ACYP2: variants seen among roughly 807,000 people sequenced by gnomAD.
The protein encoded by ACYP2 is acylphosphatase-2.
Under a neutral mutation model 11.2 loss-of-function variants are expected in ACYP2, and 12 were observed. The ratio of observed to expected loss-of-function variants is 1.08; its 90% CI spans 0.69 to 1.74. The LOEUF is 1.74. ACYP2 is among the 40% of genes most tolerant of loss of function. The pLI, the probability that ACYP2 is intolerant of heterozygous loss-of-function variation, is 0.00. For synonymous variants in ACYP2, 43 were observed against 32.2 expected (o/e 1.33, Z -1.13); for missense variants, 134 against 101.9 (o/e 1.31, Z -1.35).
chr2:54,207,173 A>ATGTGTGTGTGTGTGTGTGTGTG (rs58920943), intron 6 of ACYP2, among the ~76,000 whole-genome samples: 1,464 of 138,636 alleles, frequency 0.011, 16 homozygotes, highest in Non-Finnish European at 0.014. Flanking sequence ...CAACATGTAT[A>ATGTGTGTGTGTGTGTGTGTGTG]TGTGTGTGTG....
chr2:54,109,370 A>T (rs1426655067), intron 4 of ACYP2, among the ~76,000 whole-genome samples: 2 of 152,154 alleles, frequency 1.3e-5, no homozygotes, highest in African/African-American at 4.8e-5. Flanking sequence ...TGAGGATGCA[A>T]AGGCATAAAA....
At chr2:54,027,857 T>TTTTTTTA (rs1674381781) in intron 2 of ACYP2, among the ~76,000 whole-genome samples, 1 of 119,462 alleles carries the variant, frequency 8.4e-6, no homozygotes, top group Non-Finnish European at 1.8e-5. Flanking sequence ...TTTTTTTTTT[T>TTTTTTTA]GAGACAGAGT....
intron 1 of ACYP2, among the ~76,000 whole-genome samples, chr2:53,971,706 A>G (rs1263126904): frequency 6.6e-6 from 1 of 152,222 alleles, no homozygotes; most frequent in African/African-American, 2.4e-5. Flanking sequence ...GGAACTCTAC[A>G]AAGAAGTTGA....
chr2:54,299,402 A>G (rs1689637065), intron 6 of ACYP2, among the ~76,000 whole-genome samples: 1 of 151,840 alleles, frequency 6.6e-6, no homozygotes, highest in South Asian at 2.1e-4. Context: ...GAGCGGCCTG[A>G]CCAACACAGT....
At chr2:54,035,017 A>AAAAAAAAAAAAAAAAAAAAAC (rs1674808039) in intron 2 of ACYP2, among the ~76,000 whole-genome samples, 1 of 120,298 alleles carries the variant, frequency 8.3e-6, no homozygotes, top group African/African-American at 3.6e-5. Flanking sequence ...CTCAAAAAAA[A>AAAAAAAAAAAAAAAAAAAAAC]AAAAAAAAAA....
intron 6 of ACYP2, among the ~76,000 whole-genome samples, chr2:54,147,758 C>T (rs1010681998): frequency 1.3e-5 from 2 of 152,152 alleles, no homozygotes; most frequent in Non-Finnish European, 2.9e-5. Flanking sequence ...CTCCTGGCCT[C>T]AAGTGATCCT....
chr2:54,018,471 A>G (rs1220237629), intron 2 of ACYP2, among the ~76,000 whole-genome samples: 1 of 151,988 alleles, frequency 6.6e-6, no homozygotes, highest in Admixed American at 6.6e-5. Flanking sequence ...AATTAATTCA[A>G]TTAATTGTTG....
chr2:53,986,075 C>T lies in ACYP2; in HGVS notation c.62+12265C>T, dbSNP rs561921579. Among the ~76,000 whole-genome samples the T allele has an allele frequency of 1.3e-4, 20 of 151,882 alleles. No homozygotes were observed. The South Asian group carries it at 3.8e-3, about 29-fold the overall frequency. On this transcript the variant is annotated intron_variant, in intron 2 of 6. Transcript: ENST00000607452. The stretch of plus-strand genomic sequence containing the variant: ...CCTGGAGGCAGAGGTTGCTGTGAGC[C>T]GAGATAATGCCACTGCACTCCAGTC...
At position 54,229,434 on chromosome 2, in the gene ACYP2, T is replaced by G. The variant is rs537856751; in HGVS notation, c.405-75254T>G. On this transcript the variant is annotated intron_variant, in intron 6 of 6. Transcript: ENST00000607452. Reference sequence around the variant, plus strand: ...GATTACTGGGAGGAATAATTTGATATGAAATTATTATTTAATTATATCACT... The same window carrying G: ...GATTACTGGGAGGAATAATTTGATAGGAAATTATTATTTAATTATATCACT... Among the ~76,000 whole-genome samples, 478 of 152,342 alleles carry G rather than the reference T, an allele frequency of 3.1e-3. 6 individuals are homozygous for G. The highest frequency in any genetic ancestry group is 1.9e-3 in the South Asian group (9 of 4,828).
intron 3 of ACYP2, chr2:54,051,438 C>A: frequency 1.4e-6 from 1 of 705,866 alleles, no homozygotes; most frequent in Non-Finnish European, 2.6e-6. Context: ...AAATCTATAT[C>A]CCTCCTAAAC....
intron 6 of ACYP2, among the ~76,000 whole-genome samples, chr2:54,177,822 G>A (rs1414176582): frequency 2.0e-5 from 3 of 149,322 alleles, no homozygotes; most frequent in South Asian, 2.1e-4. Flanking sequence ...CAGATGATTC[G>A]CCCCCACTCG....
intron 6 of ACYP2, among the ~76,000 whole-genome samples, chr2:54,240,908 A>G (rs1011338768): frequency 2.0e-5 from 3 of 152,234 alleles, no homozygotes; most frequent in Non-Finnish European, 2.9e-5. Flanking sequence ...GTAATTTTAG[A>G]AAGAAGACAT....
intron 2 of ACYP2, among the ~76,000 whole-genome samples, chr2:54,041,164 G>A (rs1284759622): frequency 2.0e-5 from 3 of 151,246 alleles, no homozygotes; most frequent in Non-Finnish European, 4.4e-5. Flanking sequence ...CCAGGCTGGT[G>A]TTGAACTCCT....
At chr2:54,018,145 T>C (rs1394239422) in intron 2 of ACYP2, among the ~76,000 whole-genome samples, 1 of 152,224 alleles carries the variant, frequency 6.6e-6, no homozygotes, top group Non-Finnish European at 1.5e-5. Flanking sequence ...TTGCAATAGC[T>C]AGGTAGCCAT....
At chr2:54,161,356 G>T (rs1682703376) in intron 6 of ACYP2, among the ~76,000 whole-genome samples, 1 of 152,198 alleles carries the variant, frequency 6.6e-6, no homozygotes, top group Non-Finnish European at 1.5e-5. Context: ...ATGATCTCAA[G>T]TGTTTCCAAT....
intron 6 of ACYP2, chr2:54,255,067 G>T (rs1344215801): frequency 6.2e-7 from 1 of 1,614,118 alleles, no homozygotes; most frequent in East Asian, 2.2e-5. Flanking sequence ...AATCCTGTCG[G>T]ACTCTGGAAG....
chr2:54,198,517 G>A (rs1684613864), intron 6 of ACYP2, among the ~76,000 whole-genome samples: 1 of 151,438 alleles, frequency 6.6e-6, no homozygotes, highest in African/African-American at 2.4e-5. Flanking sequence ...TACTATTAAA[G>A]GTACTAAACT....
At chr2:54,218,947 C>A (rs1685672183) in intron 6 of ACYP2, among the ~76,000 whole-genome samples, 1 of 152,092 alleles carries the variant, frequency 6.6e-6, no homozygotes, top group African/African-American at 2.4e-5. Context: ...TGGGTGCTTT[C>A]CATCCACATT....
At chr2:54,177,154 C>G (rs1683497099) in intron 6 of ACYP2, among the ~76,000 whole-genome samples, 2 of 152,198 alleles carry the variant, frequency 1.3e-5, no homozygotes, top group Non-Finnish European at 1.5e-5. Context: ...CCATCCACCT[C>G]TGTTCTGGGA....
Sources: allele counts gnomAD v4.1 joint callset (sites outside exome capture counted in the v4.1 genomes callset), GRCh38; gene constraint gnomAD v4.1.1; transcripts MANE v1.5; gene names NCBI Gene and HGNC (gene_info 2026-07-23, HGNC 2026-07-21).